Variants in MKLN1 observed in about 807,000 individuals in gnomAD.
MKLN1 encodes the protein muskelin 1.
In MKLN1, 18 loss-of-function variants were observed where a neutral mutation model predicts 99.0. That is an observed-to-expected ratio of 0.18 (90% CI 0.13 to 0.27). The LOEUF is 0.27. Ranked by LOEUF, MKLN1 falls within the 10% of genes least tolerant of loss-of-function variation. The pLI is 1.00. For missense variants in MKLN1, 621 were observed against 875.9 expected (o/e 0.71, Z 3.67); for synonymous variants, 288 against 293.2 (o/e 0.98, Z 0.18).
At chr7:131,319,426 T>C (rs1001682485) in intron 3 of MKLN1, among the ~76,000 whole-genome samples, 1 of 152,154 alleles carries the variant, frequency 6.6e-6, no homozygotes, top group Non-Finnish European at 1.5e-5. Context: ...ATAAACTAGG[T>C]ATTGATAGAA....
chr7:131,267,638 G>A (rs1243255970), intron 3 of MKLN1, among the ~76,000 whole-genome samples: 2 of 152,136 alleles, frequency 1.3e-5, no homozygotes, highest in Non-Finnish European at 2.9e-5. Flanking sequence ...GTTCTGTTGG[G>A]CAGGTCAGAT....
chr7:131,180,856 C>T (rs1301674976), intron 2 of MKLN1, among the ~76,000 whole-genome samples: 1 of 152,092 alleles, frequency 6.6e-6, no homozygotes, highest in East Asian at 1.9e-4. Flanking sequence ...TAATTCCATA[C>T]AGAAAATTAT....
chr7:131,323,088 T>G (rs1283758381), upstream of MKLN1, among the ~76,000 whole-genome samples: 3 of 152,192 alleles, frequency 2.0e-5, no homozygotes, highest in African/African-American at 7.2e-5. Flanking sequence ...TTTTGTTGGA[T>G]CTGCATTTTT....
chr7:131,355,879 G>T (rs1218639101), intron 1 of MKLN1, among the ~76,000 whole-genome samples: 1 of 151,162 alleles, frequency 6.6e-6, no homozygotes, highest in African/African-American at 2.4e-5. Context: ...TTTTCCCATT[G>T]ATTCTTTTGG....
At chr7:131,419,252 G>GTTTTTTT (rs11482221) in intron 8 of MKLN1, among the ~76,000 whole-genome samples, 2 of 115,542 alleles carry the variant, frequency 1.7e-5, no homozygotes, top group African/African-American at 6.5e-5. Flanking sequence ...ATATATTTTT[G>GTTTTTTT]TTTTTTTTTT....
intron 2 of MKLN1, among the ~76,000 whole-genome samples, chr7:131,378,650 T>C (rs1179771816): frequency 2.0e-5 from 3 of 151,982 alleles, no homozygotes; most frequent in Non-Finnish European, 4.4e-5. Context: ...GGCAACATGG[T>C]GAAACCCTGT....
intron 12 of MKLN1, among the ~76,000 whole-genome samples, chr7:131,455,001 T>C (rs1796292385): frequency 1.3e-5 from 2 of 152,234 alleles, no homozygotes; most frequent in Non-Finnish European, 2.9e-5. Context: ...AATCTACTGT[T>C]AGTTAGGTTT....
At chr7:131,233,199 C>A (rs1466757473) in intron 3 of MKLN1, among the ~76,000 whole-genome samples, 1 of 151,776 alleles carries the variant, frequency 6.6e-6, no homozygotes, top group Non-Finnish European at 1.5e-5. Context: ...AACAAAAAAA[C>A]AAAGCAAAAC....
At chr7:131,214,371 G>C (rs10245790) in intron 3 of MKLN1, among the ~76,000 whole-genome samples, 3 of 152,046 alleles carry the variant, frequency 2.0e-5, no homozygotes, top group Admixed American at 1.3e-4. Flanking sequence ...GATGGGGTGG[G>C]TAAGTTTTCC....
At chr7:131,187,429 G>A (rs532276470) in intron 2 of MKLN1, among the ~76,000 whole-genome samples, 2 of 152,078 alleles carry the variant, frequency 1.3e-5, no homozygotes, top group African/African-American at 4.8e-5. Flanking sequence ...CTAGAGCAGA[G>A]GTCAGCAAAC....
chr7:131,120,441 C>T (rs1267914178), intron 1 of MKLN1, among the ~76,000 whole-genome samples: 4 of 144,002 alleles, frequency 2.8e-5, no homozygotes, highest in Non-Finnish European at 4.5e-5. Context: ...CCCAGCTACT[C>T]GGGAGGCTGA....
intron 1 of MKLN1, among the ~76,000 whole-genome samples, chr7:131,367,244 T>C (rs1800210261): frequency 6.6e-6 from 1 of 152,242 alleles, no homozygotes; most frequent in South Asian, 2.1e-4. Flanking sequence ...CATTTTAATA[T>C]TAAACTAACC....
At chr7:131,478,526 G>T (rs1454879537) in intron 16 of MKLN1, 97 bp from the exon 17 acceptor site, 60 of 1,240,546 alleles carry the variant, frequency 4.8e-5, no homozygotes, top group Non-Finnish European at 6.0e-5. Flanking sequence ...ATACGTAGTT[G>T]CTGATAAATG....
chr7:131,392,084 A>C (rs1367472892), intron 4 of MKLN1, among the ~76,000 whole-genome samples: 3 of 152,216 alleles, frequency 2.0e-5, no homozygotes, highest in African/African-American at 7.2e-5. Flanking sequence ...ATCAGAGGAA[A>C]GTAAACATAA....
intron 1 of MKLN1, among the ~76,000 whole-genome samples, chr7:131,348,450 A>T (rs1312981052): frequency 2.0e-5 from 3 of 152,090 alleles, no homozygotes; most frequent in Non-Finnish European, 2.9e-5. Context: ...TTTATAGAGG[A>T]TATTATCCAT....
At chr7:131,469,938 C>T (rs1050510320) in intron 15 of MKLN1, among the ~76,000 whole-genome samples, 1 of 149,908 alleles carries the variant, frequency 6.7e-6, no homozygotes, top group Non-Finnish European at 1.5e-5. Context: ...TGCAGTGGTA[C>T]AATCATGGCT....
At chr7:131,161,884 C>G (rs1796054916) in intron 2 of MKLN1, among the ~76,000 whole-genome samples, 2 of 150,834 alleles carry the variant, frequency 1.3e-5, no homozygotes, top group Admixed American at 6.6e-5. Context: ...ATTAGTAACT[C>G]TGAACACATT....
At chr7:131,313,323 T>C (rs1284601012) in intron 3 of MKLN1, among the ~76,000 whole-genome samples, 1 of 152,080 alleles carries the variant, frequency 6.6e-6, no homozygotes, top group South Asian at 2.1e-4. Flanking sequence ...TACACATAAA[T>C]CAGACAGACA....
intron 8 of MKLN1, among the ~76,000 whole-genome samples, chr7:131,427,153 C>T (rs1437585658): frequency 6.6e-6 from 1 of 152,154 alleles, no homozygotes; most frequent in Admixed American, 6.5e-5. Flanking sequence ...CTGTTCTTAT[C>T]CAGAAAGCAG....
Sources: gnomAD v4.1 joint callset for allele counts (sites outside exome capture counted in the v4.1 genomes callset) on GRCh38, gnomAD v4.1.1 for gene constraint, MANE v1.5 for transcripts, NCBI Gene and HGNC (gene_info 2026-07-23, HGNC 2026-07-21) for gene names.